The following CELF4 variants were observed in gnomAD, a reference collection of about 807,000 sequenced individuals.
The protein encoded by CELF4 is CUGBP Elav-like family member 4.
Under a neutral mutation model 59.9 loss-of-function variants are expected in CELF4, and 18 were observed. The observed-to-expected ratio is 0.30, with a 90% confidence interval of 0.21 to 0.45. The LOEUF (loss-of-function observed/expected upper bound fraction) is 0.45, where lower values mean the gene tolerates loss of function less well. CELF4 is among the 20% of genes least tolerant of loss of function. The probability of loss-of-function intolerance (pLI) is 1.00; values close to 1 mark genes in which losing one functional copy is unlikely to be tolerated. For synonymous variants in CELF4, 261 were observed against 267.1 expected, an observed-to-expected ratio of 0.98 and a Z score of 0.22; for missense variants, 456 against 689.0, an observed-to-expected ratio of 0.66 and a Z score of 3.79.
At chr18:37,277,933 A>C (rs768472273) in intron 3 of CELF4, among the ~76,000 whole-genome samples, 2 of 152,182 alleles carry the variant, frequency 1.3e-5, no homozygotes, top group African/African-American at 4.8e-5. Flanking sequence ...TCCTCTGCCC[A>C]AGCTTGATTT....
intron 2 of CELF4, among the ~76,000 whole-genome samples, chr18:37,418,964 G>T (rs1038379981): frequency 6.6e-6 from 1 of 152,210 alleles, no homozygotes. Flanking sequence ...CCTGTGTCTA[G>T]TCTAGCATAG....
At chr18:37,290,667 T>G (rs141905397) in intron 3 of CELF4, among the ~76,000 whole-genome samples, 1 of 152,298 alleles carries the variant, frequency 6.6e-6, no homozygotes, top group Non-Finnish European at 1.5e-5. Context: ...CCCAGACTTA[T>G]AGTTAGTAAA....
In CELF4 at chr18:37,415,269, T is replaced by G. The variant is rs11875702; in HGVS notation, c.369+70256A>C. On this transcript the variant is annotated intron_variant, in intron 2 of 12. Coordinates refer to ENST00000420428, the MANE Select transcript of CELF4 (RefSeq NM_020180.4). ...CCACATGGAAGGCATGTTTAGAGAA[T>G]AGTGAACCTGCTGACCTGGCTGGTG... Among the ~76,000 whole-genome samples the G allele has an allele frequency of 3.3e-5, 5 of 152,026 alleles. No individual in the cohort carries two copies. In the East Asian group the frequency reaches 5.8e-4, roughly 18 times the overall value.
At chr18:37,462,048 A>G (rs917212530) in intron 2 of CELF4, among the ~76,000 whole-genome samples, 1 of 152,182 alleles carries the variant, frequency 6.6e-6, no homozygotes, top group African/African-American at 2.4e-5. Context: ...AGTAATTGAT[A>G]CTTGGTCTAC....
intron 1 of CELF4, among the ~76,000 whole-genome samples, chr18:37,504,845 G>T (rs762231664): frequency 6.6e-6 from 1 of 152,328 alleles, no homozygotes; most frequent in South Asian, 2.1e-4. Flanking sequence ...ATCTAATTTG[G>T]CATCTACAGA....
chr18:37,373,771 A>G (rs636439), intron 2 of CELF4, among the ~76,000 whole-genome samples: 96,845 of 151,948 alleles, frequency 0.64, 31,101 homozygotes, highest in South Asian at 0.71. Context: ...GCAGGGCATC[A>G]TGCCAGCAAT....
intron 5 of CELF4, 70 bp from the exon 6 acceptor site, chr18:37,274,524 C>A (rs1389286441): frequency 6.2e-7 from 1 of 1,603,560 alleles, no homozygotes; most frequent in Non-Finnish European, 8.5e-7. Context: ...GTGCCTCTGG[C>A]CTGCGCCCAC....
intron 2 of CELF4, among the ~76,000 whole-genome samples, chr18:37,381,128 A>G (rs1312440847): frequency 6.6e-6 from 1 of 150,986 alleles, no homozygotes; most frequent in African/African-American, 2.4e-5. Flanking sequence ...CCATCCATCC[A>G]TCCATCCATC....
chr18:37,489,329 G>C (rs564425425), intron 1 of CELF4, among the ~76,000 whole-genome samples: 1 of 152,256 alleles, frequency 6.6e-6, no homozygotes, highest in African/African-American at 2.4e-5. Flanking sequence ...AGCCCTGGGG[G>C]CATGGTGACT....
intron 1 of CELF4, among the ~76,000 whole-genome samples, chr18:37,556,373 T>C (rs1308431611): frequency 6.6e-6 from 1 of 152,246 alleles, no homozygotes; most frequent in Non-Finnish European, 1.5e-5. Context: ...GGAAGTTTAC[T>C]GAGCTCAGGG....
chr18:37,467,616 G>A (rs1046383423), intron 2 of CELF4, among the ~76,000 whole-genome samples: 6 of 152,194 alleles, frequency 3.9e-5, no homozygotes, highest in African/African-American at 1.2e-4. Flanking sequence ...GCAAGGGAAG[G>A]AGAGTCAAAG....
At chr18:37,471,660 C>T (rs1274645585) in intron 2 of CELF4, among the ~76,000 whole-genome samples, 1 of 152,114 alleles carries the variant, frequency 6.6e-6, no homozygotes, top group Non-Finnish European at 1.5e-5. Flanking sequence ...TCTGGAGTCT[C>T]GATCCATTGT....
At chr18:37,331,995 A>G (rs1461339835) in intron 2 of CELF4, among the ~76,000 whole-genome samples, 1 of 152,154 alleles carries the variant, frequency 6.6e-6, no homozygotes, top group Non-Finnish European at 1.5e-5. Context: ...GCATTTGGAA[A>G]GAGCAAGGAG....
chr18:37,290,086 A>G (rs547725212), intron 3 of CELF4, among the ~76,000 whole-genome samples: 1 of 152,086 alleles, frequency 6.6e-6, no homozygotes, highest in African/African-American at 2.4e-5. Context: ...ATGCTGGGGA[A>G]TTAAGGGCAG....
chr18:37,275,022 C>G (rs1039820220), intron 4 of CELF4, 93 bp downstream of exon 4: 6 of 1,547,736 alleles, frequency 3.9e-6, no homozygotes, highest in Non-Finnish European at 5.3e-6. Context: ...CAGAGACAGA[C>G]GGCGATGGCC....
chr18:37,495,667 G>T (rs1340390269), intron 1 of CELF4, among the ~76,000 whole-genome samples: 2 of 152,088 alleles, frequency 1.3e-5, no homozygotes, highest in Non-Finnish European at 2.9e-5. Flanking sequence ...CCATGGGACT[G>T]GTGAAGTGGA....
chr18:37,386,511 G>A (rs1383398007), intron 2 of CELF4, among the ~76,000 whole-genome samples: 6 of 152,158 alleles, frequency 3.9e-5, no homozygotes, highest in African/African-American at 4.8e-5. Context: ...GCGGAGAGCC[G>A]TACTGACTCA....
intron 2 of CELF4, among the ~76,000 whole-genome samples, chr18:37,417,764 A>G (rs2099541199): frequency 6.6e-6 from 1 of 152,202 alleles, no homozygotes; most frequent in African/African-American, 2.4e-5. Context: ...CCAGATCCTG[A>G]CCATGTCAAC....
intron 2 of CELF4, among the ~76,000 whole-genome samples, chr18:37,376,990 G>A (rs9960204): frequency 0.015 from 2,298 of 152,186 alleles, 61 homozygotes; most frequent in African/African-American, 0.052. Context: ...TGGGCACAGG[G>A]GAGGGTGGAG....
Sources: gnomAD v4.1 joint callset for allele counts (sites outside exome capture counted in the v4.1 genomes callset) on GRCh38, gnomAD v4.1.1 for gene constraint, MANE v1.5 for transcripts, NCBI Gene and HGNC (gene_info 2026-07-23, HGNC 2026-07-21) for gene names.